ANK1: variants seen among roughly 807,000 people sequenced by gnomAD.
The protein encoded by ANK1 is ankyrin 1, also known as ankyrin-1.
A neutral mutation model predicts 210.4 loss-of-function variants in ANK1; 51 were observed. That is an observed-to-expected ratio of 0.24 (90% CI 0.19 to 0.31). The LOEUF (loss-of-function observed/expected upper bound fraction) is 0.31, where lower values mean the gene tolerates loss of function less well. ANK1 is among the 10% of genes least tolerant of loss of function. The probability of loss-of-function intolerance (pLI) is 1.00; values close to 1 mark genes in which losing one functional copy is unlikely to be tolerated. For synonymous variants in ANK1, 967 were observed against 1,025.9 expected, an observed-to-expected ratio of 0.94 and a Z score of 1.10; for missense variants, 2,051 against 2,504.4, an observed-to-expected ratio of 0.82 and a Z score of 3.86.
intron 1 of ANK1, among the ~76,000 whole-genome samples, chr8:41,853,863 C>T (rs963654099): frequency 1.3e-5 from 2 of 152,268 alleles, no homozygotes; most frequent in Middle Eastern, 6.8e-3. Context: ...TGGGCACCAG[C>T]GATCCTCCCA....
At chr8:41,696,329 CA>C (rs769671940) in intron 26 of ANK1, 33 bp downstream of exon 26, 3 of 1,608,096 alleles carry the variant, frequency 1.9e-6, no homozygotes, top group Admixed American at 3.3e-5. Flanking sequence ...GGCACAGGGA[CA>C]GGGGAGAACA....
In ANK1 at chr8:41,672,815, G is replaced by A. The variant is rs142386792; in HGVS notation, c.4635C>T (p.Ala1545=). 121 of 1,608,788 alleles carry A rather than the reference G, an allele frequency of 7.5e-5. No homozygotes were observed. Among genetic ancestry groups the A allele is most frequent in the South Asian group, 2.3e-4 (21 of 90,660 alleles). The part of the protein sequence containing the change: ...LRADQYWNEV[A]VLDAIPLAAT... ...CCGCCAAGGGGATGGCGTCTAGGACGGCCACCTCATTCCAGTACTGGTCTG... is the reference window on the plus strand; with the variant it reads ...CCGCCAAGGGGATGGCGTCTAGGACAGCCACCTCATTCCAGTACTGGTCTG... The change falls in exon 38 of 43, where the codon GCC becomes GCT. Residue 1545 remains alanine, a synonymous_variant. Coordinates refer to ENST00000289734, the MANE Select transcript of ANK1 (RefSeq NM_000037.4).
chr8:41,872,430 G>A (rs1425066210), intron 1 of ANK1, among the ~76,000 whole-genome samples: 1 of 152,230 alleles, frequency 6.6e-6, no homozygotes, highest in Non-Finnish European at 1.5e-5. Context: ...TCCAAAGAGT[G>A]CCAGGAGCCA....
chr8:41,725,466 C>T (rs929008384), intron 6 of ANK1, among the ~76,000 whole-genome samples: 4 of 152,178 alleles, frequency 2.6e-5, no homozygotes, highest in African/African-American at 9.7e-5. Flanking sequence ...TCAGGAAGGC[C>T]GCCTCCTGGG....
intron 42 of ANK1, among the ~76,000 whole-genome samples, chr8:41,660,274 G>C (rs969555780): frequency 6.6e-6 from 1 of 152,134 alleles, no homozygotes; most frequent in Non-Finnish European, 1.5e-5. Context: ...CAGCACTTTT[G>C]GTGGCTCAGG....
chr8:41,762,672 G>C lies in ANK1; in HGVS notation c.28-4535C>G, dbSNP rs550663624. Among the ~76,000 whole-genome samples, 23 of 152,288 alleles carry C rather than the reference G, an allele frequency of 1.5e-4. No homozygotes were observed. The South Asian group carries it at 4.6e-3, about 30-fold the overall frequency. On this transcript the variant is annotated intron_variant, in intron 1 of 42. Transcript: ENST00000289734. ...CCAGAGAAAACCCAGTCAAGGTTTA[G>C]TCTCTCAGATAAATGTTACTTATGC...
rs1293520344 is a variant in ANK1, at chr8:41,704,745, A to G, written c.2098-273T>C. On this transcript the variant is annotated intron_variant, in intron 18 of 42. Coordinates refer to ENST00000289734, the MANE Select transcript of ANK1 (RefSeq NM_000037.4). The surrounding 1 kb of genome is among the most constrained non-coding windows in gnomAD (Gnocchi z 4.1). Reference sequence around the variant, plus strand: ...GTCGTCAGTGCATGGGAGATCTGAGAGCTTTGGAGGTGAGTGAGGTCCCCC... The same window carrying G: ...GTCGTCAGTGCATGGGAGATCTGAGGGCTTTGGAGGTGAGTGAGGTCCCCC... 1.3e-5 allele frequency among the ~76,000 whole-genome samples: 2 copies of G among 152,030 alleles called. No individual in the cohort carries two copies. The highest frequency in any genetic ancestry group is 1.5e-5 in the Non-Finnish European group (1 of 68,012).
intron 1 of ANK1, among the ~76,000 whole-genome samples, chr8:41,874,300 C>G (rs1459362084): frequency 6.6e-6 from 1 of 152,234 alleles, no homozygotes; most frequent in African/African-American, 2.4e-5. Context: ...CCCACAGCCA[C>G]TAATCTGAAA....
intron 9 of ANK1, 125 bp downstream of exon 9, chr8:41,723,000 G>C (rs2150651454): frequency 1.1e-6 from 1 of 876,572 alleles, no homozygotes; most frequent in African/African-American, 1.6e-5. Flanking sequence ...TGTAATAAAT[G>C]TCAAAGGTGC....
intron 1 of ANK1, among the ~76,000 whole-genome samples, chr8:41,784,584 C>G (rs1373031877): frequency 6.6e-6 from 1 of 152,188 alleles, no homozygotes; most frequent in Non-Finnish European, 1.5e-5. Flanking sequence ...ATTTTGGACA[C>G]TTTTTATCAT....
chr8:41,664,673 TG>T (rs1168215505), intron 39 of ANK1: 3 of 897,574 alleles, frequency 3.3e-6, no homozygotes, highest in East Asian at 2.6e-5. Flanking sequence ...ACATGATCCC[TG>T]GGGGCCTCCT....
intron 1 of ANK1, among the ~76,000 whole-genome samples, chr8:41,863,509 T>G (rs1813705796): frequency 6.6e-6 from 1 of 152,230 alleles, no homozygotes; most frequent in Non-Finnish European, 1.5e-5. Flanking sequence ...CCTTGGCTGT[T>G]GTCTTGCTAG....
chr8:41,734,155 G>T, intron 2 of ANK1, 86 bp from the exon 3 acceptor site: 2 of 1,158,592 alleles, frequency 1.7e-6, no homozygotes, highest in Non-Finnish European at 2.6e-6. Flanking sequence ...CCCCTTCCCA[G>T]CCCTGAGGTG....
chr8:41,890,800 G>A (rs1819296671), intron 1 of ANK1, among the ~76,000 whole-genome samples: 1 of 151,966 alleles, frequency 6.6e-6, no homozygotes, highest in African/African-American at 2.4e-5. Flanking sequence ...TTCAAGGTGG[G>A]GGAAACAATA....
chr8:41,654,161 C>G lies in ANK1; in HGVS notation c.*1629G>C, dbSNP rs921447163. On this transcript the variant is annotated 3_prime_UTR_variant, in exon 43 of 43. Coordinates refer to ENST00000289734, the MANE Select transcript of ANK1 (RefSeq NM_000037.4). The stretch of plus-strand genomic sequence containing the variant: ...GCCAGCCCTGTCTCTCTCTCCTGGC[C>G]CTGGGGGCGCCCGCCGCGAGGGCGG... The G allele has an allele frequency of 1.3e-5, 2 of 152,530 alleles. No homozygotes were observed. The highest frequency in any genetic ancestry group is 2.4e-5 in the African/African-American group (1 of 41,432). 9.4% of individuals were successfully genotyped at this position (152,530 alleles called of 1,614,324 possible).
intron 1 of ANK1, among the ~76,000 whole-genome samples, chr8:41,885,413 A>G (rs1187147205): frequency 6.6e-6 from 1 of 152,202 alleles, no homozygotes; most frequent in Non-Finnish European, 1.5e-5. Flanking sequence ...TGAAAAGACA[A>G]ATGGTTTGAC....
At position 41,694,587 on chromosome 8, in the gene ANK1, G is replaced by C; in HGVS notation, c.3327+5C>G. 6.2e-7 allele frequency: 1 copy of C among 1,611,954 alleles called. No homozygotes were observed. The highest frequency in any genetic ancestry group is 8.5e-7 in the Non-Finnish European group (1 of 1,179,620). On this transcript the variant is annotated splice_donor_5th_base_variant and intron_variant, in intron 28 of 42. Transcript: ENST00000289734. This position sits in a 1 kb window ranked among gnomAD's most constrained non-coding sequence, Gnocchi z 5.7. ...CCAGGACCTGGCGGGGAGGAGGGCT[G>C]TCACCTGCAGAGCCAGCTTCACTCT... is the stretch of plus-strand genomic sequence containing the variant.
intron 1 of ANK1, among the ~76,000 whole-genome samples, chr8:41,813,597 T>C (rs902444029): frequency 2.6e-5 from 4 of 152,214 alleles, no homozygotes; most frequent in African/African-American, 4.8e-5. Context: ...TTTACAAAAG[T>C]GCAGCAAGAA....
At chr8:41,702,791 A>G (rs1378345714) in intron 20 of ANK1, among the ~76,000 whole-genome samples, 4 of 152,102 alleles carry the variant, frequency 2.6e-5, no homozygotes, top group Non-Finnish European at 5.9e-5. Context: ...TGCAGTTGCA[A>G]TTTCTGCAAC....
Sources: allele counts gnomAD v4.1 joint callset (sites outside exome capture counted in the v4.1 genomes callset), GRCh38; gene constraint gnomAD v4.1.1; non-coding constraint Gnocchi (gnomAD v3.1); transcripts MANE v1.5; gene names NCBI Gene and HGNC (gene_info 2026-07-23, HGNC 2026-07-21).